PRR14L: variants seen among roughly 807,000 people sequenced by gnomAD.
PRR14L encodes the protein protein PRR14L.
Under a neutral mutation model 155.0 loss-of-function variants are expected in PRR14L, and 80 were observed. The observed-to-expected ratio is 0.52, with a 90% CI of 0.43 to 0.62. The LOEUF (loss-of-function observed/expected upper bound fraction) is 0.62. Ranked by LOEUF, PRR14L falls within the 20% of genes least tolerant of loss-of-function variation. The pLI is 0.00. For missense variants in PRR14L, 2,469 were observed against 2,548.0 expected (o/e 0.97, Z 0.67); for synonymous variants, 883 against 916.0 (o/e 0.96, Z 0.65).
At chr22:31,725,822 C>T (rs1305610267) in intron 2 of PRR14L, among the ~76,000 whole-genome samples, 1 of 152,122 alleles carries the variant, frequency 6.6e-6, no homozygotes. Flanking sequence ...GCACCCACTA[C>T]TACGCCTGGC....
At chr22:31,729,368 C>T (rs569673968) in intron 2 of PRR14L, among the ~76,000 whole-genome samples, 6 of 152,236 alleles carry the variant, frequency 3.9e-5, no homozygotes, top group South Asian at 2.1e-4. Context: ...CCCGCCACTA[C>T]GCCCGGCTAA....
intron 7 of PRR14L, among the ~76,000 whole-genome samples, chr22:31,691,818 T>C (rs1444522343): frequency 6.6e-6 from 1 of 152,160 alleles, no homozygotes; most frequent in East Asian, 1.9e-4. Flanking sequence ...CTATGAATAA[T>C]GCTGCTGTGA....
At chr22:31,747,555 C>T (rs1267713628) in intron 1 of PRR14L, among the ~76,000 whole-genome samples, 1 of 150,496 alleles carries the variant, frequency 6.6e-6, no homozygotes, top group Non-Finnish European at 1.5e-5. Flanking sequence ...ACATGTTCAT[C>T]AAAATAAGCT....
chr22:31,746,054 T>C (rs1261457421), intron 1 of PRR14L, among the ~76,000 whole-genome samples: 1 of 151,780 alleles, frequency 6.6e-6, no homozygotes. Flanking sequence ...CTCAGCCTCC[T>C]AAGCAGCCAG....
chr22:31,725,693 A>T (rs754643355), intron 2 of PRR14L, 83 bp from the exon 3 acceptor site: 18 of 889,934 alleles, frequency 2.0e-5, no homozygotes, highest in Non-Finnish European at 3.0e-5. Context: ...ATTTTTTGAG[A>T]CAGAGTCTTG....
At chr22:31,703,370 C>T (rs2074572683) in intron 6 of PRR14L, among the ~76,000 whole-genome samples, 180 bp downstream of exon 6, 2 of 152,208 alleles carry the variant, frequency 1.3e-5, no homozygotes, top group South Asian at 4.1e-4. Context: ...AAAAAATCCA[C>T]TGTGTCCTTT....
At position 31,725,572 on chromosome 22, in the gene PRR14L, A is replaced by T. The variant is rs1474105738; in HGVS notation, c.513T>A (p.His171Gln). The T allele has an allele frequency of 3.9e-6, 6 of 1,551,198 alleles. No homozygotes were observed. The African/African-American group carries it at 8.2e-5, about 21-fold the overall frequency. ...LLMQSSKELS[H>Q]VDLPEDFLRS... Reference sequence around the variant, plus strand: ...TTAGAAAATCTTCAGGGAGGTCCACATGTGAAAGTTCTTTGCTGGACTGCA... The same window carrying T: ...TTAGAAAATCTTCAGGGAGGTCCACTTGTGAAAGTTCTTTGCTGGACTGCA... Residue 171 changes from histidine (H) to glutamine (Q), a missense_variant, in exon 3 of 9, where the codon CAT (histidine) becomes CAA (glutamine). Around this residue, in one of 2 missense-constraint regions of PRR14L, gnomAD observed 2,363 missense variants for 2,371.6 expected, o/e 1.00. Transcript: ENST00000327423.
chr22:31,717,296 A>G lies in PRR14L; in HGVS notation c.548-5T>C. 1.3e-6 allele frequency: 2 copies of G among 1,524,648 alleles called. No individual in the cohort carries two copies. Among genetic ancestry groups the G allele is most frequent in the Non-Finnish European group, 1.8e-6 (2 of 1,134,530 alleles). The allele number at this position is 1,524,648 out of a possible 1,614,324, so 94.4% of individuals were successfully genotyped here. ...CTGTAATCTGTACATTTCCTTCTGA[A>G]TAAGAGAAATAAATCCAAATTAATA... is the stretch of plus-strand genomic sequence containing the variant. On this transcript the variant is annotated splice_polypyrimidine_tract_variant and splice_region_variant and intron_variant, in intron 3 of 8. Coordinates refer to ENST00000327423, the MANE Select transcript of PRR14L (RefSeq NM_173566.3).
In PRR14L at chr22:31,685,748, T is replaced by C. The variant is rs575667652; in HGVS notation, c.6235A>G (p.Ile2079Val). ...PKERNGTLIS[I>V]SQQKRKRVLE... Reference sequence around the variant, plus strand: ...ACTCGCTTCCTCTTCTGTTGGCTGATTGAGATTAGTGTACCATTTCGTTCC... The same window carrying C: ...ACTCGCTTCCTCTTCTGTTGGCTGACTGAGATTAGTGTACCATTTCGTTCC... Residue 2079 changes from isoleucine (I) to valine (V), a missense_variant, in exon 9 of 9, where the codon ATC becomes GTC. By Grantham distance (29) the Ile-to-Val change is conservative (BLOSUM62 3). This residue lies in a region of PRR14L where 106 missense variants were observed against 176.4 expected (regional missense o/e 0.60). Transcript: ENST00000327423. 2 of 1,551,670 alleles carry C rather than the reference T, an allele frequency of 1.3e-6. No individual in the cohort carries two copies. Among genetic ancestry groups the C allele is most frequent in the African/African-American group, 1.4e-5 (1 of 73,146 alleles).
intron 2 of PRR14L, among the ~76,000 whole-genome samples, chr22:31,737,951 G>A (rs1295483313): frequency 1.3e-5 from 2 of 151,846 alleles, no homozygotes; most frequent in Non-Finnish European, 2.9e-5. Context: ...GAAGGCAGAG[G>A]TTGCAGTGAG....
intron 2 of PRR14L, among the ~76,000 whole-genome samples, chr22:31,729,393 A>G (rs1401717567): frequency 6.6e-6 from 1 of 151,580 alleles, no homozygotes; most frequent in East Asian, 2.0e-4. Flanking sequence ...TTGTGTGTGT[A>G]TTTTTAGGCG....
intron 1 of PRR14L, among the ~76,000 whole-genome samples, chr22:31,744,007 CA>C (rs1484295916): frequency 6.8e-6 from 1 of 147,732 alleles, no homozygotes; most frequent in Non-Finnish European, 1.5e-5. Flanking sequence ...AGCAAACTTA[CA>C]TGCTCATTCA....
intron 4 of PRR14L, among the ~76,000 whole-genome samples, chr22:31,706,622 C>T (rs1202450504): frequency 1.3e-5 from 2 of 151,982 alleles, no homozygotes; most frequent in African/African-American, 4.8e-5. Context: ...CGGGGTTTCA[C>T]CATATTGGCC....
chr22:31,692,685 A>G (rs894035831), intron 7 of PRR14L, among the ~76,000 whole-genome samples: 5 of 152,188 alleles, frequency 3.3e-5, no homozygotes, highest in Admixed American at 6.5e-5. Context: ...TCTCTTGCCC[A>G]AACTGGAGAT....
chr22:31,732,947 A>C (rs1380156627), intron 2 of PRR14L, among the ~76,000 whole-genome samples: 3 of 151,954 alleles, frequency 2.0e-5, no homozygotes, highest in African/African-American at 4.8e-5. Flanking sequence ...TGAAAAGAAC[A>C]ACCTTGTGTA....
At chr22:31,703,264 C>T (rs990630891) in intron 6 of PRR14L, among the ~76,000 whole-genome samples, 4 of 152,218 alleles carry the variant, frequency 2.6e-5, no homozygotes, top group African/African-American at 9.7e-5. Flanking sequence ...ATCCACTCAT[C>T]TTCTTTGAAT....
intron 2 of PRR14L, among the ~76,000 whole-genome samples, chr22:31,731,391 C>T (rs1385277383): frequency 6.6e-6 from 1 of 151,544 alleles, no homozygotes; most frequent in Non-Finnish European, 1.5e-5. Flanking sequence ...GGTGAAACCC[C>T]GTCTCTACTA....
At chr22:31,727,427 T>C (rs2074722690) in intron 2 of PRR14L, among the ~76,000 whole-genome samples, 1 of 151,634 alleles carries the variant, frequency 6.6e-6, no homozygotes, top group African/African-American at 2.4e-5. Flanking sequence ...AGAGACAGGG[T>C]TTCACCGTTG....
intron 1 of PRR14L, among the ~76,000 whole-genome samples, chr22:31,743,013 C>T (rs1249441749): frequency 6.6e-6 from 1 of 152,140 alleles, no homozygotes; most frequent in Non-Finnish European, 1.5e-5. Flanking sequence ...CTAGACTAGG[C>T]AAATCTTACT....
Sources: allele counts gnomAD v4.1 joint callset (sites outside exome capture counted in the v4.1 genomes callset), GRCh38; gene constraint gnomAD v4.1.1; regional missense constraint gnomAD v4.1.1; transcripts MANE v1.5; gene names NCBI Gene and HGNC (gene_info 2026-07-23, HGNC 2026-07-21).